Variants in ZDHHC13 observed in about 807,000 individuals in gnomAD.
ZDHHC13 encodes palmitoyltransferase ZDHHC13.
In ZDHHC13, 85 loss-of-function variants were observed where a neutral mutation model predicts 86.0. The observed-to-expected ratio is 0.99, with a 90% confidence interval of 0.83 to 1.18. The LOEUF (loss-of-function observed/expected upper bound fraction) is 1.18, where lower values mean the gene tolerates loss of function less well. Ranked by LOEUF, ZDHHC13 falls within the 50% of genes most tolerant of loss-of-function variation. ZDHHC13 has a pLI of 0.00. For missense variants in ZDHHC13, 711 were observed against 730.2 expected (o/e 0.97, Z 0.30); for synonymous variants, 263 against 246.4 (o/e 1.07, Z -0.63).
chr11:19,124,983 C>T (rs918881939), intron 1 of ZDHHC13, among the ~76,000 whole-genome samples: 5 of 151,968 alleles, frequency 3.3e-5, no homozygotes, highest in Non-Finnish European at 5.9e-5. Context: ...CTCAAGGAGC[C>T]ACAAAGGGAT....
rs1349855107 is a variant in ZDHHC13, at chr11:19,146,189, T to G, written c.182T>G (p.Ile61Ser). 2 of 1,586,416 alleles carry G rather than the reference T, an allele frequency of 1.3e-6. No individual in the cohort carries two copies. The highest frequency in any genetic ancestry group is 1.7e-6 in the Non-Finnish European group (2 of 1,169,558). The change falls in exon 3 of 17, where the codon ATT (isoleucine) becomes AGT (serine). Residue 61 changes from isoleucine (I) to serine (S), a missense_variant. By Grantham distance (142) the Ile-to-Ser change is moderately radical. Coordinates refer to ENST00000446113, the MANE Select transcript of ZDHHC13 (RefSeq NM_019028.3). The stretch of plus-strand genomic sequence containing the variant: ...TTTTTTTCTTCTTTGAGATACGGAA[T>G]TTTTGAACGATGTAAAGAGTTGGTA... ...CDIVKATQYG[I>S]FERCKELVEA...
In ZDHHC13 at chr11:19,175,832, A is replaced by C; in HGVS notation, c.1741A>C (p.Met581Leu). The part of the protein sequence containing the change: ...LRKTPYNLGF[M>L]QNLADFFQCG... ...TTTTTTTCTTGGCAGTCTTGGATTC[A>C]TGCAGAACCTGGCAGATTTCTTTCA... is the stretch of plus-strand genomic sequence containing the variant. The change falls in exon 17 of 17, where the codon ATG becomes CTG. Residue 581 changes from methionine (M) to leucine (L), a missense_variant. By Grantham distance (15) the Met-to-Leu change is conservative. Transcript: ENST00000446113. 1 of 1,612,260 alleles carries C rather than the reference A, an allele frequency of 6.2e-7. No homozygotes were observed. The highest frequency in any genetic ancestry group is 1.1e-5 in the South Asian group (1 of 90,640).
At chr11:19,134,206 C>T (rs2133379287) in intron 1 of ZDHHC13, among the ~76,000 whole-genome samples, 1 of 152,008 alleles carries the variant, frequency 6.6e-6, no homozygotes, top group East Asian at 1.9e-4. Flanking sequence ...TTATTAAGCA[C>T]TAATTCAGGT....
Position 19,146,185 on chromosome 11 carries a change from G to T in ZDHHC13, c.178G>T (p.Gly60Ter). 1 of 1,577,900 alleles carries T rather than the reference G, an allele frequency of 6.3e-7. No homozygotes were observed. The highest frequency in any genetic ancestry group is 8.6e-7 in the Non-Finnish European group (1 of 1,165,738). Reference sequence around the variant, plus strand: ...CTTTTTTTTTTCTTCTTTGAGATACGGAATTTTTGAACGATGTAAAGAGTT... The same window carrying T: ...CTTTTTTTTTTCTTCTTTGAGATACTGAATTTTTGAACGATGTAAAGAGTT... ...NCDIVKATQYGIFERCKELVE... is the reference protein window; with the variant it reads ...NCDIVKATQY Residue 60 changes from glycine (G) to a stop codon, truncating the protein, a stop_gained, in exon 3 of 17, where the codon GGA becomes TGA. Coordinates refer to ENST00000446113, the MANE Select transcript of ZDHHC13 (RefSeq NM_019028.3). LOFTEE classifies it high-confidence loss of function.
At chr11:19,154,380 T>TA (rs1251174038) in intron 8 of ZDHHC13, among the ~76,000 whole-genome samples, 4 of 152,100 alleles carry the variant, frequency 2.6e-5, no homozygotes, top group South Asian at 2.1e-4. Flanking sequence ...AAATTTACAT[T>TA]AAAAAAAATC....
At chr11:19,152,031 T>G (rs1469643065) in intron 6 of ZDHHC13, 127 bp from the exon 7 acceptor site, 2 of 978,934 alleles carry the variant, frequency 2.0e-6, no homozygotes, top group East Asian at 5.0e-5. Flanking sequence ...CAAAGAAGTT[T>G]CTCAGTTCTG....
chr11:19,135,161 C>T (rs556290757), intron 1 of ZDHHC13, among the ~76,000 whole-genome samples: 146 of 152,330 alleles, frequency 9.6e-4, no homozygotes, highest in African/African-American at 3.2e-3. Context: ...TCTGAGGTAC[C>T]GGGTTCATCT....
chr11:19,117,122 G>C, upstream of ZDHHC13: 1 of 1,017,280 alleles, frequency 9.8e-7, no homozygotes, highest in Non-Finnish European at 1.5e-6. The surrounding 1 kb of genome is among the most constrained non-coding windows in gnomAD (Gnocchi z 4.2). Flanking sequence ...GGGCACGAGC[G>C]GGGACCGCAG....
chr11:19,124,584 AT>A (rs1848830562), intron 1 of ZDHHC13, among the ~76,000 whole-genome samples: 1 of 152,040 alleles, frequency 6.6e-6, no homozygotes, highest in Non-Finnish European at 1.5e-5. Context: ...CCTGTTACTT[AT>A]TGAGATTCTA....
chr11:19,126,186 T>C (rs1400652143), intron 1 of ZDHHC13, among the ~76,000 whole-genome samples: 1 of 151,940 alleles, frequency 6.6e-6, no homozygotes, highest in Non-Finnish European at 1.5e-5. Context: ...CACAAACTTA[T>C]GTCATGGGGG....
intron 2 of ZDHHC13, 51 bp downstream of exon 2, chr11:19,143,174 G>A: frequency 6.4e-7 from 1 of 1,555,996 alleles, no homozygotes; most frequent in Non-Finnish European, 8.7e-7. Context: ...AGAATTAATA[G>A]TAATATATGT....
At chr11:19,170,191 C>T in intron 14 of ZDHHC13, 2 of 1,366,006 alleles carry the variant, frequency 1.5e-6, no homozygotes, top group Non-Finnish European at 1.9e-6. Context: ...CTGTTAACTA[C>T]TTATACAGTG....
chr11:19,164,714 G>A, intron 12 of ZDHHC13: 1 of 412,364 alleles, frequency 2.4e-6, no homozygotes, highest in Non-Finnish European at 4.4e-6. Flanking sequence ...GGAATCAAGG[G>A]AGGAAGTAAA....
At chr11:19,143,181 A>G in intron 2 of ZDHHC13, 58 bp downstream of exon 2, 1 of 1,533,286 alleles carries the variant, frequency 6.5e-7, no homozygotes, top group South Asian at 1.2e-5. Flanking sequence ...ATAGTAATAT[A>G]TGTGTAGTTC....
chr11:19,172,423 G>A (rs1328081262), intron 15 of ZDHHC13, among the ~76,000 whole-genome samples: 1 of 152,170 alleles, frequency 6.6e-6, no homozygotes, highest in African/African-American at 2.4e-5. Context: ...AATATGATGA[G>A]AGTGGTATGA....
chr11:19,174,564 T>A (rs4757765), intron 16 of ZDHHC13, among the ~76,000 whole-genome samples: 146,485 of 152,336 alleles, frequency 0.96, 70,706 homozygotes, highest in East Asian at 1. Context: ...GTGTGTTTTG[T>A]TGTGTGTAAG....
intron 1 of ZDHHC13, among the ~76,000 whole-genome samples, chr11:19,130,189 G>A (rs1848964678): frequency 6.6e-6 from 1 of 152,148 alleles, no homozygotes; most frequent in Non-Finnish European, 1.5e-5. Context: ...TAAGTTATAG[G>A]GGTCTGAAAT....
At chr11:19,150,040 G>T (rs1359128774) in intron 5 of ZDHHC13, among the ~76,000 whole-genome samples, 1 of 152,174 alleles carries the variant, frequency 6.6e-6, no homozygotes, top group Non-Finnish European at 1.5e-5. Context: ...ATGAGGAAGA[G>T]TCCTGTCTGC....
Position 19,117,197 on chromosome 11 carries a change from G to A in ZDHHC13, c.-53G>A. 2 of 1,528,558 alleles carry A rather than the reference G, an allele frequency of 1.3e-6. No homozygotes were observed. The highest frequency in any genetic ancestry group is 1.8e-6 in the Non-Finnish European group (2 of 1,140,642). The allele number at this position is 1,528,558 out of a possible 1,614,324, so 94.7% of individuals were successfully genotyped here. On this transcript the variant is annotated 5_prime_UTR_variant, in exon 1 of 17. Coordinates refer to ENST00000446113, the MANE Select transcript of ZDHHC13 (RefSeq NM_019028.3). This position sits in a 1 kb window ranked among gnomAD's most constrained non-coding sequence, Gnocchi z 4.2. ...GCGACCCAAGGCGGGCTGGCGGGCT[G>A]GCGGCAGTCGCTACTTGCCTAGTAG...
Sources: allele counts gnomAD v4.1 joint callset (sites outside exome capture counted in the v4.1 genomes callset), GRCh38; gene constraint gnomAD v4.1.1; non-coding constraint Gnocchi (gnomAD v3.1); transcripts MANE v1.5; gene names NCBI Gene and HGNC (gene_info 2026-07-23, HGNC 2026-07-21).